The following NBEA variants were observed in gnomAD, a reference collection of about 807,000 sequenced individuals.
NBEA encodes lysosomal-trafficking regulator 2.
Under a neutral mutation model 343.4 loss-of-function variants are expected in NBEA, and 44 were observed. The ratio of observed to expected loss-of-function variants is 0.13; its 90% CI spans 0.10 to 0.16. The LOEUF is 0.16. Ranked by LOEUF, NBEA falls within the 10% of genes least tolerant of loss-of-function variation. The pLI, the probability that NBEA is intolerant of heterozygous loss-of-function variation, is 1.00. For synonymous variants in NBEA, 1,175 were observed against 1,238.7 expected (o/e 0.95, Z 1.08); for missense variants, 2,555 against 3,631.3 (o/e 0.70, Z 7.62).
intron 34 of NBEA, among the ~76,000 whole-genome samples, chr13:35,234,773 A>G (rs1294027300): frequency 6.6e-6 from 1 of 152,188 alleles, no homozygotes. Context: ...AATTCCAGAC[A>G]TAGTTGAAGT....
chr13:35,117,240 G>C (rs2066543086), intron 13 of NBEA, among the ~76,000 whole-genome samples, 174 bp from the exon 14 acceptor site: 2 of 151,510 alleles, frequency 1.3e-5, no homozygotes, highest in South Asian at 4.1e-4. Context: ...TCAAAAATTT[G>C]AAAGTTAATT....
At chr13:35,363,125 G>C (rs1230506848) in intron 38 of NBEA, among the ~76,000 whole-genome samples, 2 of 151,856 alleles carry the variant, frequency 1.3e-5, no homozygotes, top group Middle Eastern at 3.2e-3. Flanking sequence ...AGTTTAATTT[G>C]CTCCTAGCCC....
At chr13:35,407,742 G>A (rs897209672) in intron 38 of NBEA, among the ~76,000 whole-genome samples, 1 of 152,128 alleles carries the variant, frequency 6.6e-6, no homozygotes, top group African/African-American at 2.4e-5. Context: ...GCCAAATCAG[G>A]AATGAACTCC....
intron 38 of NBEA, among the ~76,000 whole-genome samples, chr13:35,421,409 A>ATTCT (rs1220509925): frequency 3.3e-5 from 5 of 152,038 alleles, no homozygotes; most frequent in African/African-American, 1.2e-4. Context: ...TGGTGCTAAC[A>ATTCT]TTCTGTCAGT....
intron 47 of NBEA, among the ~76,000 whole-genome samples, chr13:35,595,660 G>A (rs1319191178): frequency 6.6e-6 from 1 of 151,940 alleles, no homozygotes; most frequent in East Asian, 1.9e-4. Context: ...ATACATAAAG[G>A]CTAATTCTTA....
At chr13:34,983,576 A>G (rs1401490698) in intron 1 of NBEA, among the ~76,000 whole-genome samples, 1 of 152,196 alleles carries the variant, frequency 6.6e-6, no homozygotes, top group East Asian at 1.9e-4. Flanking sequence ...TTCTAATTCT[A>G]GATCCTTGAG....
chr13:35,133,394 G>T (rs2067534865), intron 17 of NBEA, among the ~76,000 whole-genome samples: 1 of 152,052 alleles, frequency 6.6e-6, no homozygotes, highest in Non-Finnish European at 1.5e-5. Context: ...CCAGTCACTG[G>T]TGGAATTATA....
At chr13:35,579,182 G>T (rs1422139651) in intron 45 of NBEA, among the ~76,000 whole-genome samples, 1 of 151,874 alleles carries the variant, frequency 6.6e-6, no homozygotes, top group Non-Finnish European at 1.5e-5. Flanking sequence ...GCTTTAACTA[G>T]GCCTCTGATT....
At chr13:35,077,689 G>T (rs533309445) in intron 10 of NBEA, among the ~76,000 whole-genome samples, 43 of 152,194 alleles carry the variant, frequency 2.8e-4, no homozygotes, top group African/African-American at 1.0e-3. Context: ...ATGGGTAGAA[G>T]AGTTATCTTT....
chr13:35,603,893 C>T (rs972624973), intron 47 of NBEA, among the ~76,000 whole-genome samples: 14 of 152,334 alleles, frequency 9.2e-5, no homozygotes, highest in South Asian at 2.1e-4. Context: ...GCCTTCTCTG[C>T]GCCTTTTACT....
intron 41 of NBEA, among the ~76,000 whole-genome samples, chr13:35,497,975 T>C (rs2076744096): frequency 6.6e-6 from 1 of 152,072 alleles, no homozygotes; most frequent in Non-Finnish European, 1.5e-5. Context: ...TCAAACACTA[T>C]TGGTATTTTA....
In NBEA at chr13:35,670,910, C is replaced by T. The variant is rs2085590687; in HGVS notation, c.8823C>T (p.Ile2941=). The change falls in exon 59 of 59, where the codon ATC becomes ATT. Residue 2941 remains isoleucine, a synonymous_variant. Transcript: ENST00000379939. Reference sequence around the variant, plus strand: ...GTTTCTGCTTTTCCAGGACTCTGATCACTGGCATGGCTTCTGGTAGCATTG... The same window carrying T: ...GTTTCTGCTTTTCCAGGACTCTGATTACTGGCATGGCTTCTGGTAGCATTG... The part of the protein sequence containing the change: ...MDLSHDQRTL[I]TGMASGSIVA... 7 of 1,593,772 alleles carry T rather than the reference C, an allele frequency of 4.4e-6. No individual in the cohort carries two copies. The highest frequency in any genetic ancestry group is 6.0e-6 in the Non-Finnish European group (7 of 1,168,632).
chr13:35,468,363 G>C (rs546884970), intron 40 of NBEA, among the ~76,000 whole-genome samples: 1 of 152,240 alleles, frequency 6.6e-6, no homozygotes, highest in East Asian at 1.9e-4. Context: ...ACTAAGCACA[G>C]ACAAAAGCAA....
At chr13:35,079,759 A>T (rs1322628031) in intron 10 of NBEA, among the ~76,000 whole-genome samples, 1 of 152,154 alleles carries the variant, frequency 6.6e-6, no homozygotes. Context: ...ATAGTCCACC[A>T]TGTTTGTTAC....
intron 30 of NBEA, among the ~76,000 whole-genome samples, chr13:35,189,734 C>T (rs1230760021): frequency 2.0e-5 from 3 of 151,872 alleles, no homozygotes; most frequent in Non-Finnish European, 4.4e-5. Flanking sequence ...CAAAATACTG[C>T]TTTTCTAAAA....
chr13:35,279,056 C>T (rs2034855847), intron 34 of NBEA, among the ~76,000 whole-genome samples: 1 of 152,028 alleles, frequency 6.6e-6, no homozygotes, highest in African/African-American at 2.4e-5. Context: ...GAAGGTGGGC[C>T]AGCTCTGGAG....
chr13:35,228,765 G>A (rs2074809427), intron 33 of NBEA, among the ~76,000 whole-genome samples: 1 of 151,976 alleles, frequency 6.6e-6, no homozygotes, highest in East Asian at 1.9e-4. Context: ...CATCAATCAA[G>A]CATCTTAAAC....
chr13:34,997,963 A>AT (rs1003127406), intron 1 of NBEA, among the ~76,000 whole-genome samples: 6 of 152,058 alleles, frequency 3.9e-5, no homozygotes, highest in Non-Finnish European at 7.4e-5. Context: ...CTTAGGAGGT[A>AT]TTTTTTTTAT....
intron 47 of NBEA, among the ~76,000 whole-genome samples, chr13:35,605,503 T>G (rs1463073590): frequency 2.0e-5 from 3 of 152,214 alleles, no homozygotes; most frequent in Admixed American, 6.5e-5. Context: ...CCATCAATGT[T>G]GATCATATTA....
Sources: allele counts gnomAD v4.1 joint callset (sites outside exome capture counted in the v4.1 genomes callset), GRCh38; gene constraint gnomAD v4.1.1; transcripts MANE v1.5; gene names NCBI Gene and HGNC (gene_info 2026-07-23, HGNC 2026-07-21).